Variants in CDCA7L observed in about 807,000 individuals in gnomAD.
CDCA7L encodes cell division cycle associated 7 like.
Under a neutral mutation model 57.4 loss-of-function variants are expected in CDCA7L, and 44 were observed. The ratio of observed to expected loss-of-function variants is 0.77; its 90% CI spans 0.60 to 0.98. The LOEUF (loss-of-function observed/expected upper bound fraction) is 0.98. Ranked by LOEUF, CDCA7L falls within the 50% of genes least tolerant of loss-of-function variation. CDCA7L has a pLI of 0.00. For missense variants in CDCA7L, 644 were observed against 580.6 expected, an observed-to-expected ratio of 1.11 and a Z score of -1.12; for synonymous variants, 236 against 202.8, an observed-to-expected ratio of 1.16 and a Z score of -1.39.
In CDCA7L at chr7:21,900,984, C is replaced by G; in HGVS notation, c.*1338G>C. ...TTAGTAGCAAGCTGCCACACAATTG[C>G]AACCGCTGTGTTTTTGCCATAGGCG... On this transcript the variant is annotated 3_prime_UTR_variant, in exon 10 of 10. Coordinates refer to ENST00000406877, the MANE Select transcript of CDCA7L (RefSeq NM_018719.5). 6.4e-7 allele frequency: 1 copy of G among 1,551,742 alleles called. No homozygotes were observed. Among genetic ancestry groups the G allele is most frequent in the Non-Finnish European group, 8.7e-7 (1 of 1,149,954 alleles).
In CDCA7L at chr7:21,908,846, A is replaced by T. The variant is rs531052985; in HGVS notation, c.304-339T>A. Reference sequence around the variant, plus strand: ...AGCACCAGCAAGAGGAGAGACAGTCACAGAAAAGGAGAGACAGCAGCATGA... The same window carrying T: ...AGCACCAGCAAGAGGAGAGACAGTCTCAGAAAAGGAGAGACAGCAGCATGA... On this transcript the variant is annotated intron_variant, in intron 3 of 9. Coordinates refer to ENST00000406877, the MANE Select transcript of CDCA7L (RefSeq NM_018719.5). Among the ~76,000 whole-genome samples the T allele has an allele frequency of 6.6e-5, 10 of 152,330 alleles. No homozygotes were observed. The South Asian group carries it at 1.0e-3, about 16-fold the overall frequency.
At chr7:21,908,621 T>G in intron 3 of CDCA7L, 114 bp from the exon 4 acceptor site, 3 of 1,109,888 alleles carry the variant, frequency 2.7e-6, no homozygotes, top group Non-Finnish European at 3.7e-6. Flanking sequence ...AATGAAAAGC[T>G]TCCCCTTCAT....
At chr7:21,920,632 C>T (rs1278223916) in intron 1 of CDCA7L, among the ~76,000 whole-genome samples, 3 of 152,324 alleles carry the variant, frequency 2.0e-5, no homozygotes, top group South Asian at 4.1e-4. Flanking sequence ...ACCAGCCACA[C>T]GTAGTGCAGC....
chr7:21,903,440 TTCCAAAATA>T (rs545973071), intron 8 of CDCA7L, among the ~76,000 whole-genome samples: 3 of 152,294 alleles, frequency 2.0e-5, no homozygotes, highest in African/African-American at 7.2e-5. Context: ...AGCACAAGGT[TTCCAAAATA>T]TCAAGGTATG....
chr7:21,905,909 A>C (rs2128057533), intron 6 of CDCA7L, among the ~76,000 whole-genome samples: 1 of 152,370 alleles, frequency 6.6e-6, no homozygotes, highest in South Asian at 2.1e-4. Flanking sequence ...CCAAACCCAC[A>C]AATGGGTCCA....
chr7:21,937,871 G>C (rs1397038319), intron 1 of CDCA7L, among the ~76,000 whole-genome samples: 1 of 152,128 alleles, frequency 6.6e-6, no homozygotes, highest in Non-Finnish European at 1.5e-5. Context: ...AACAAACAGT[G>C]CTGGGAAAAT....
chr7:21,926,770 G>A (rs1331356846), intron 1 of CDCA7L, among the ~76,000 whole-genome samples: 1 of 152,198 alleles, frequency 6.6e-6, no homozygotes, highest in African/African-American at 2.4e-5. Context: ...CTACTTGGGA[G>A]CCTGAGGCAA....
chr7:21,927,940 TCC>T (rs1365917386), intron 1 of CDCA7L, among the ~76,000 whole-genome samples: 1 of 152,198 alleles, frequency 6.6e-6, no homozygotes, highest in Non-Finnish European at 1.5e-5. Context: ...GCAGCAGATC[TCC>T]CAGCACAGCG....
chr7:21,926,023 T>C (rs1785815257), intron 1 of CDCA7L, among the ~76,000 whole-genome samples: 1 of 151,972 alleles, frequency 6.6e-6, no homozygotes. Flanking sequence ...ATAGCTTAAG[T>C]CCAAGAGTTC....
chr7:21,902,634 C>T (rs1784961092), intron 9 of CDCA7L: 1 of 528,074 alleles, frequency 1.9e-6, no homozygotes, highest in African/African-American at 1.9e-5. Context: ...CCTGAACTCT[C>T]TCTCTGCACT....
chr7:21,926,227 G>C (rs532419213), intron 1 of CDCA7L, among the ~76,000 whole-genome samples: 48 of 129,276 alleles, frequency 3.7e-4, no homozygotes, highest in African/African-American at 1.1e-3. Flanking sequence ...GTATTCAGCA[G>C]TTAATAAAAA....
Position 21,903,455 on chromosome 7 carries a change from G to A in CDCA7L, c.1198-341C>T, listed in dbSNP as rs536337714. 6.6e-5 allele frequency among the ~76,000 whole-genome samples: 10 copies of A among 152,216 alleles called. 1 individual carries two copies. In the South Asian group the frequency reaches 1.9e-3, roughly 28 times the overall value. On this transcript the variant is annotated intron_variant, in intron 8 of 9. Transcript: ENST00000406877. ...AGCACAAGGTTTCCAAAATATCAAG[G>A]TATGAATTTCAGCCCTTTCAATGTG...
chr7:21,904,960 C>G (rs575815045), intron 7 of CDCA7L, among the ~76,000 whole-genome samples: 1 of 152,298 alleles, frequency 6.6e-6, no homozygotes, highest in African/African-American at 2.4e-5. Flanking sequence ...TCGGCCCCAG[C>G]CTAGCTCTGC....
At position 21,923,191 on chromosome 7, in the gene CDCA7L, CAAG is replaced by C. The variant is rs781367756; in HGVS notation, c.25-6300_25-6298del. 7.9e-5 allele frequency among the ~76,000 whole-genome samples: 12 copies of C among 152,180 alleles called. No homozygotes were observed. The East Asian group carries it at 9.7e-4, about 12-fold the overall frequency. On this transcript the variant is annotated intron_variant, in intron 1 of 9. Transcript: ENST00000406877. ...TTAAAAAGAATTCAACGAAAAAAGA[CAAG>C]AAAGACAATTTAAGCCAGGCATGGT...
At chr7:21,916,631 A>G in intron 2 of CDCA7L, 123 bp downstream of exon 2, 1 of 922,094 alleles carries the variant, frequency 1.1e-6, no homozygotes, top group Non-Finnish European at 1.7e-6. Flanking sequence ...TAATGTTTCT[A>G]AAATAAAATG....
intron 2 of CDCA7L, among the ~76,000 whole-genome samples, chr7:21,915,971 C>A (rs1785470362): frequency 6.6e-6 from 1 of 152,126 alleles, no homozygotes; most frequent in Non-Finnish European, 1.5e-5. Context: ...CAGGGAGCCT[C>A]CAGAGATCTC....
At chr7:21,939,309 C>T (rs574378853) in intron 1 of CDCA7L, among the ~76,000 whole-genome samples, 4 of 152,124 alleles carry the variant, frequency 2.6e-5, no homozygotes, top group East Asian at 3.8e-4. Flanking sequence ...CTTAGTAACA[C>T]TGAAAGGTTA....
chr7:21,913,051 G>C (rs1257144717), intron 2 of CDCA7L, among the ~76,000 whole-genome samples: 1 of 151,990 alleles, frequency 6.6e-6, no homozygotes, highest in Non-Finnish European at 1.5e-5. Context: ...CTCTGATATA[G>C]CAATGACCCC....
intron 1 of CDCA7L, among the ~76,000 whole-genome samples, chr7:21,919,986 A>C (rs570862281): frequency 1.3e-5 from 2 of 152,342 alleles, no homozygotes; most frequent in South Asian, 4.1e-4. Context: ...TGTCCTTAAC[A>C]GTTGAGACTT....
Sources: gnomAD v4.1 joint callset for allele counts (sites outside exome capture counted in the v4.1 genomes callset) on GRCh38, gnomAD v4.1.1 for gene constraint, MANE v1.5 for transcripts, NCBI Gene and HGNC (gene_info 2026-07-23, HGNC 2026-07-21) for gene names.